The following DEUP1 variants were observed in gnomAD, a reference collection of about 807,000 sequenced individuals.
The protein encoded by DEUP1 is coiled-coil domain containing 67.
Under a neutral mutation model 87.4 loss-of-function variants are expected in DEUP1, and 82 were observed. The observed-to-expected ratio is 0.94, with a 90% confidence interval of 0.78 to 1.13. The LOEUF is 1.13. Among genes scored for constraint, DEUP1 ranks in the 50% most tolerant of loss-of-function variants. DEUP1 has a pLI of 0.00. For synonymous variants in DEUP1, 214 were observed against 222.7 expected (o/e 0.96, Z 0.35); for missense variants, 663 against 681.5 (o/e 0.97, Z 0.30).
intron 8 of DEUP1, among the ~76,000 whole-genome samples, chr11:93,388,431 C>G (rs997230743): frequency 6.6e-6 from 1 of 152,096 alleles, no homozygotes; most frequent in African/African-American, 2.4e-5. Flanking sequence ...GCTTAGACAT[C>G]TTCAAACCTC....
At chr11:93,370,325 C>T (rs554582427) in intron 6 of DEUP1, 139 bp downstream of exon 6, 5 of 571,910 alleles carry the variant, frequency 8.7e-6, no homozygotes, top group Admixed American at 3.5e-5. Context: ...GGTACAGTCA[C>T]AAGTGCATAG....
At chr11:93,403,746 T>G (rs1270160827) in intron 11 of DEUP1, among the ~76,000 whole-genome samples, 1 of 151,690 alleles carries the variant, frequency 6.6e-6, no homozygotes, top group Non-Finnish European at 1.5e-5. Context: ...ATGAAGAAAA[T>G]TTATTGAAAT....
intron 12 of DEUP1, among the ~76,000 whole-genome samples, chr11:93,410,686 C>T (rs929490443): frequency 3.9e-5 from 6 of 152,132 alleles, no homozygotes; most frequent in African/African-American, 1.4e-4. Context: ...GATGGAGATA[C>T]CAGGTGTTGT....
chr11:93,437,821 TTC>T lies in DEUP1; in HGVS notation c.*104_*105del. ...TGATTAATGAAACCAAGAAATTCTG[TTC>T]TGTTTCCTTGAGTAAATAATTTCCG... On this transcript the variant is annotated 3_prime_UTR_variant, in exon 14 of 14. Transcript: ENST00000298050. 5 of 698,838 alleles carry T rather than the reference TTC, an allele frequency of 7.2e-6. No homozygotes were observed. The allele number at this position is 698,838 out of a possible 1,614,324, so 43.3% of individuals were successfully genotyped here.
In DEUP1 at chr11:93,385,656, G is replaced by T. The variant is rs929349326; in HGVS notation, c.935+113G>T. The T allele has an allele frequency of 5.9e-6, 4 of 678,682 alleles. No homozygotes were observed. In the African/African-American group the frequency reaches 7.6e-5, roughly 13 times the overall value. The allele number at this position is 678,682 out of a possible 1,614,324, so 42.0% of individuals were successfully genotyped here. Reference sequence around the variant, plus strand: ...TATAAAGTCTATTTTGTATTAACATGTTAATTAGTGGGTAATATTAAATAT... The same window carrying T: ...TATAAAGTCTATTTTGTATTAACATTTTAATTAGTGGGTAATATTAAATAT... On this transcript the variant is annotated intron_variant, in intron 8 of 13. Coordinates refer to ENST00000298050, the MANE Select transcript of DEUP1 (RefSeq NM_181645.4).
chr11:93,357,130 AG>A, intron 4 of DEUP1, 87 bp downstream of exon 4: 1 of 779,234 alleles, frequency 1.3e-6, no homozygotes, highest in South Asian at 1.8e-5. Flanking sequence ...AACTGTTTTC[AG>A]TATAAACAAA....
chr11:93,431,998 G>T (rs1233008288), intron 13 of DEUP1, among the ~76,000 whole-genome samples: 1 of 152,192 alleles, frequency 6.6e-6, no homozygotes, highest in Non-Finnish European at 1.5e-5. Flanking sequence ...AATAGGATAT[G>T]TGAATCTGAT....
intron 11 of DEUP1, among the ~76,000 whole-genome samples, chr11:93,404,892 G>T (rs1947223229): frequency 6.6e-6 from 1 of 151,794 alleles, no homozygotes; most frequent in Non-Finnish European, 1.5e-5. Flanking sequence ...ACCCAAAAAA[G>T]GGTTTTGTAA....
intron 4 of DEUP1, among the ~76,000 whole-genome samples, chr11:93,359,403 G>A (rs1181554667): frequency 6.6e-6 from 1 of 151,930 alleles, no homozygotes; most frequent in Non-Finnish European, 1.5e-5. Flanking sequence ...ACATAAATTT[G>A]AGGCTTTTGC....
At chr11:93,342,123 G>A (rs1944110268) in intron 2 of DEUP1, among the ~76,000 whole-genome samples, 1 of 151,962 alleles carries the variant, frequency 6.6e-6, no homozygotes. Flanking sequence ...TCCAAATTAA[G>A]TAACATTTAC....
intron 13 of DEUP1, among the ~76,000 whole-genome samples, chr11:93,436,520 G>A (rs1376614056): frequency 2.0e-5 from 3 of 152,154 alleles, no homozygotes; most frequent in Non-Finnish European, 4.4e-5. Flanking sequence ...TCTACCCCAG[G>A]CTGTGATAGT....
intron 2 of DEUP1, among the ~76,000 whole-genome samples, chr11:93,333,434 G>A (rs916173978): frequency 3.3e-5 from 5 of 152,186 alleles, no homozygotes; most frequent in Admixed American, 6.5e-5. Flanking sequence ...AAGGCAAGAA[G>A]AGAGAGTAAG....
chr11:93,386,377 ATGTT>A (rs1946558351), intron 8 of DEUP1, among the ~76,000 whole-genome samples: 1 of 152,178 alleles, frequency 6.6e-6, no homozygotes, highest in African/African-American at 2.4e-5. Flanking sequence ...GGATTGTTAA[ATGTT>A]TGTGTGTGTG....
At chr11:93,401,828 C>A (rs1474282117) in intron 11 of DEUP1, among the ~76,000 whole-genome samples, 1 of 151,934 alleles carries the variant, frequency 6.6e-6, no homozygotes, top group Non-Finnish European at 1.5e-5. Flanking sequence ...AACTAGACTC[C>A]TATCTCTCAC....
chr11:93,385,769 T>G (rs926887707), intron 8 of DEUP1, among the ~76,000 whole-genome samples: 14 of 152,192 alleles, frequency 9.2e-5, no homozygotes, highest in African/African-American at 3.1e-4. Flanking sequence ...TTATGGATAT[T>G]TCTGTCACAC....
At chr11:93,383,376 T>G in intron 7 of DEUP1, 1 of 386,480 alleles carries the variant, frequency 2.6e-6, no homozygotes, top group Non-Finnish European at 4.6e-6. Flanking sequence ...AAAGGCCACA[T>G]AGTGTATGAC....
chr11:93,430,950 G>T (rs541306857), intron 13 of DEUP1, among the ~76,000 whole-genome samples: 70 of 152,060 alleles, frequency 4.6e-4, no homozygotes, highest in African/African-American at 1.6e-3. Context: ...ACAAAAATTG[G>T]CTGGGCGTGG....
chr11:93,332,209 C>T lies in DEUP1; in HGVS notation c.-44-7C>T. 2 of 1,541,124 alleles carry T rather than the reference C, an allele frequency of 1.3e-6. No homozygotes were observed. Among genetic ancestry groups the T allele is most frequent in the Non-Finnish European group, 8.9e-7 (1 of 1,126,120 alleles). On this transcript the variant is annotated splice_region_variant and splice_polypyrimidine_tract_variant and intron_variant, in intron 1 of 13. Transcript: ENST00000298050. ...TTTAGGAACTTGTATCATTTTCCTC[C>T]TAACAGATTAAAAATCAAGAAATAT...
At chr11:93,366,856 G>A (rs2134250808) in intron 5 of DEUP1, among the ~76,000 whole-genome samples, 1 of 152,262 alleles carries the variant, frequency 6.6e-6, no homozygotes, top group Non-Finnish European at 1.5e-5. Context: ...AACAGCTTAA[G>A]TCAATCTTGC....
Sources: gnomAD v4.1 joint callset for allele counts (sites outside exome capture counted in the v4.1 genomes callset) on GRCh38, gnomAD v4.1.1 for gene constraint, MANE v1.5 for transcripts, NCBI Gene and HGNC (gene_info 2026-07-23, HGNC 2026-07-21) for gene names.